The following CSNK1G3 variants were observed in gnomAD, a reference collection of about 807,000 sequenced individuals.
CSNK1G3 encodes casein kinase 1 gamma 3, also known as casein kinase I isoform gamma-3.
In CSNK1G3, 23 loss-of-function variants were observed where a neutral mutation model predicts 64.3. The observed-to-expected ratio is 0.36, with a 90% CI of 0.26 to 0.51. The LOEUF (loss-of-function observed/expected upper bound fraction) is 0.51. Ranked by LOEUF, CSNK1G3 falls within the 20% of genes least tolerant of loss-of-function variation. CSNK1G3 has a pLI of 0.96. For missense variants in CSNK1G3, 357 were observed against 510.5 expected (o/e 0.70, Z 2.90); for synonymous variants, 158 against 162.2 (o/e 0.97, Z 0.20).
At chr5:123,582,540 C>CT (rs1790496715) in intron 6 of CSNK1G3, among the ~76,000 whole-genome samples, 1 of 152,054 alleles carries the variant, frequency 6.6e-6, no homozygotes, top group Non-Finnish European at 1.5e-5. Context: ...TTTTAATGGA[C>CT]TATGTACCTT....
At chr5:123,613,413 G>A (rs1245596673) in intron 12 of CSNK1G3, among the ~76,000 whole-genome samples, 2 of 149,000 alleles carry the variant, frequency 1.3e-5, no homozygotes, top group African/African-American at 5.0e-5. Context: ...TCCAGTGCAT[G>A]TGTGTGTGTG....
intron 6 of CSNK1G3, 23 bp from the exon 7 acceptor site, chr5:123,588,045 T>C: frequency 7.0e-7 from 1 of 1,437,778 alleles, no homozygotes; most frequent in Non-Finnish European, 9.5e-7. Context: ...AAAAGTGAAA[T>C]TTATATTTCT....
intron 8 of CSNK1G3, among the ~76,000 whole-genome samples, chr5:123,588,834 A>G (rs1791803058): frequency 6.6e-6 from 1 of 152,146 alleles, no homozygotes; most frequent in Non-Finnish European, 1.5e-5. Flanking sequence ...ATTCAGTGTT[A>G]GTCATTTGGG....
chr5:123,567,715 G>T (rs954784091), intron 4 of CSNK1G3, among the ~76,000 whole-genome samples: 2 of 152,168 alleles, frequency 1.3e-5, no homozygotes, highest in African/African-American at 4.8e-5. Context: ...TATCGCCAAA[G>T]ATAGTCAAAG....
intron 3 of CSNK1G3, 44 bp from the exon 4 acceptor site, chr5:123,557,451 C>G: frequency 6.7e-7 from 1 of 1,486,796 alleles, no homozygotes; most frequent in Non-Finnish European, 9.3e-7. Context: ...ACCTAGTGCT[C>G]TTTTAATAAC....
At chr5:123,548,039 GA>G (rs1366596949) in intron 2 of CSNK1G3, among the ~76,000 whole-genome samples, 2 of 152,144 alleles carry the variant, frequency 1.3e-5, no homozygotes, top group Admixed American at 6.5e-5. Context: ...TATTGGCTAA[GA>G]AAGACTATAA....
At chr5:123,574,405 TATGAAAGG>T (rs1304965083) in intron 5 of CSNK1G3, among the ~76,000 whole-genome samples, 1 of 152,210 alleles carries the variant, frequency 6.6e-6, no homozygotes, top group Non-Finnish European at 1.5e-5. Flanking sequence ...TAAAGCTTTA[TATGAAAGG>T]ATGTTTATAA....
chr5:123,586,496 T>C (rs1178487240), intron 6 of CSNK1G3, among the ~76,000 whole-genome samples: 1 of 152,204 alleles, frequency 6.6e-6, no homozygotes, highest in Non-Finnish European at 1.5e-5. Context: ...CCACTACTTA[T>C]TTTGGAAAAT....
chr5:123,591,474 C>A, intron 10 of CSNK1G3, 60 bp downstream of exon 10: 1 of 1,049,126 alleles, frequency 9.5e-7, no homozygotes, highest in Non-Finnish European at 1.4e-6. Flanking sequence ...ACACTTTTTT[C>A]TTCAATAGAT....
At chr5:123,597,270 G>A (rs1351104806) in intron 10 of CSNK1G3, among the ~76,000 whole-genome samples, 3 of 152,092 alleles carry the variant, frequency 2.0e-5, no homozygotes, top group Non-Finnish European at 4.4e-5. Context: ...GGCTTTACAG[G>A]AGATGCAAAG....
chr5:123,588,484 A>T, exon 8 of CSNK1G3: 1 of 1,612,140 alleles, frequency 6.2e-7, no homozygotes, highest in Non-Finnish European at 8.5e-7. Context: ...GGCTACACCA[A>T]TAGAAGTGTT....
At chr5:123,614,476 C>A in exon 13 of CSNK1G3, 1 of 1,229,496 alleles carries the variant, frequency 8.1e-7, no homozygotes, top group Non-Finnish European at 1.1e-6. Context: ...CTGTAGTGAC[C>A]ACGTATATTT....
intron 6 of CSNK1G3, among the ~76,000 whole-genome samples, chr5:123,587,586 A>G (rs1791563669): frequency 6.6e-6 from 1 of 152,230 alleles, no homozygotes; most frequent in South Asian, 2.1e-4. Context: ...TATATTACAC[A>G]CAATACTCCA....
At chr5:123,520,695 G>A (rs1419219374) in intron 1 of CSNK1G3, among the ~76,000 whole-genome samples, 1 of 151,646 alleles carries the variant, frequency 6.6e-6, no homozygotes. Context: ...ATATCTTTTG[G>A]TACAAATATA....
At chr5:123,557,094 T>C (rs1784792526) in intron 3 of CSNK1G3, among the ~76,000 whole-genome samples, 1 of 152,124 alleles carries the variant, frequency 6.6e-6, no homozygotes, top group Non-Finnish European at 1.5e-5. Flanking sequence ...CAAATTACCA[T>C]CTTTGTTCTT....
chr5:123,588,513 TAATG>T lies in CSNK1G3; in HGVS notation c.844+6_844+9del. On this transcript the variant is annotated splice_donor_5th_base_variant and intron_variant, in intron 8 of 12. Coordinates refer to ENST00000345990, the Ensembl canonical transcript of CSNK1G3. ...AAGTGTTATGTGAAAATTTTCCAGG[TAATG>T]AATAATGTGAGGTTGATACATTATA... is the stretch of plus-strand genomic sequence containing the variant. 1 of 1,578,182 alleles carries T rather than the reference TAATG, an allele frequency of 6.3e-7. No individual in the cohort carries two copies. The highest frequency in any genetic ancestry group is 2.2e-5 in the East Asian group (1 of 44,628).
chr5:123,591,394 A>C (rs1236402090), exon 10 of CSNK1G3: 2 of 1,608,664 alleles, frequency 1.2e-6, no homozygotes, highest in South Asian at 2.2e-5. Context: ...CAGAGATAAG[A>C]TGCAACAATC....
chr5:123,577,018 G>A (rs1031188528), intron 6 of CSNK1G3, among the ~76,000 whole-genome samples: 3 of 152,034 alleles, frequency 2.0e-5, no homozygotes, highest in Admixed American at 6.6e-5. Flanking sequence ...CTTATTTAAT[G>A]TAATGTATTG....
Position 123,595,029 on chromosome 5 carries a change from T to A in CSNK1G3, c.1086+3615T>A. 6.2e-7 allele frequency: 1 copy of A among 1,612,546 alleles called. No individual in the cohort carries two copies. Among genetic ancestry groups the A allele is most frequent in the Non-Finnish European group, 8.5e-7 (1 of 1,178,838 alleles). On this transcript the variant is annotated intron_variant, in intron 10 of 12. Transcript: ENST00000345990. Reference sequence around the variant, plus strand: ...TTCCATGCATGCCATATGCATTAAATAAATGGCAGTCGGCAGACCACAGGG... The same window carrying A: ...TTCCATGCATGCCATATGCATTAAAAAAATGGCAGTCGGCAGACCACAGGG...
Sources: allele counts gnomAD v4.1 joint callset (sites outside exome capture counted in the v4.1 genomes callset), GRCh38; gene constraint gnomAD v4.1.1; transcripts MANE v1.5; gene names NCBI Gene and HGNC (gene_info 2026-07-23, HGNC 2026-07-21).